Variants in SH3PXD2B observed in about 807,000 individuals in gnomAD.
SH3PXD2B encodes SH3 and PX domains 2B, also known as SH3 and PX domain-containing protein 2B.
In SH3PXD2B, 37 loss-of-function variants were observed where a neutral mutation model predicts 73.1. The ratio of observed to expected loss-of-function variants is 0.51; its 90% CI spans 0.39 to 0.67. The LOEUF (loss-of-function observed/expected upper bound fraction) is 0.67. SH3PXD2B is among the 30% of genes least tolerant of loss of function. SH3PXD2B has a pLI of 0.00. For synonymous variants in SH3PXD2B, 457 were observed against 480.5 expected (o/e 0.95, Z 0.64); for missense variants, 1,053 against 1,197.8 (o/e 0.88, Z 1.78).
chr5:172,439,293 C>CAAAAAA (rs1233319484), intron 1 of SH3PXD2B, among the ~76,000 whole-genome samples: 8 of 61,614 alleles, frequency 1.3e-4, no homozygotes, highest in African/African-American at 5.0e-4. Context: ...AAAAAAAAAC[C>CAAAAAA]CCAAAAAAAA....
chr5:172,340,058 C>T, intron 12 of SH3PXD2B, 142 bp from the exon 13 acceptor site: 1 of 1,470,260 alleles, frequency 6.8e-7, no homozygotes. Flanking sequence ...TCTACAGGGA[C>T]CACCAATGGA....
intron 12 of SH3PXD2B, among the ~76,000 whole-genome samples, chr5:172,326,067 G>A (rs1311571566): frequency 2.0e-5 from 3 of 152,186 alleles, no homozygotes; most frequent in East Asian, 1.9e-4. Context: ...GATTACAGGC[G>A]TGAGCCACCG....
Position 172,334,381 on chromosome 5 carries a change from C to T in SH3PXD2B, c.*3988G>A. The T allele has an allele frequency of 1.0e-6, 1 of 992,304 alleles. No individual in the cohort carries two copies. Among genetic ancestry groups the T allele is most frequent in the Non-Finnish European group, 1.2e-6 (1 of 835,224 alleles). 61.5% of individuals were successfully genotyped at this position (992,304 alleles called of 1,614,324 possible). ...CAGGCCAAGAGAGGGCGCCCTGCAC[C>T]CTCAGGCCTCGATGCATGCTGCTCT... On this transcript the variant is annotated 3_prime_UTR_variant, in exon 13 of 13. Coordinates refer to ENST00000311601, the MANE Select transcript of SH3PXD2B (RefSeq NM_001017995.3).
chr5:172,383,412 G>A (rs1294377562), intron 4 of SH3PXD2B, among the ~76,000 whole-genome samples: 1 of 152,188 alleles, frequency 6.6e-6, no homozygotes, highest in Non-Finnish European at 1.5e-5. Context: ...AATTTTCTTT[G>A]TGCTCAGCAC....
chr5:172,351,304 T>C lies in SH3PXD2B; in HGVS notation c.786-715A>G, dbSNP rs1757155041. 2.0e-5 allele frequency among the ~76,000 whole-genome samples: 3 copies of C among 152,200 alleles called. No individual in the cohort carries two copies. In the South Asian group the frequency reaches 6.2e-4, roughly 31 times the overall value. Reference sequence around the variant, plus strand: ...ACCACCATGCCCAGCTATTTATTATTTCTTGTAGAGATGGGGTGTTGCTAT... The same window carrying C: ...ACCACCATGCCCAGCTATTTATTATCTCTTGTAGAGATGGGGTGTTGCTAT... On this transcript the variant is annotated intron_variant, in intron 9 of 12. Coordinates refer to ENST00000311601, the MANE Select transcript of SH3PXD2B (RefSeq NM_001017995.3).
chr5:172,364,672 C>T (rs1351733578), intron 6 of SH3PXD2B, among the ~76,000 whole-genome samples: 1 of 151,260 alleles, frequency 6.6e-6, no homozygotes, highest in African/African-American at 2.4e-5. Context: ...CCTCCGCTCC[C>T]CGCCCAAAAA....
In SH3PXD2B at chr5:172,338,029, T is replaced by C. The variant is rs915100872; in HGVS notation, c.*340A>G. 4.9e-6 allele frequency: 6 copies of C among 1,230,520 alleles called. No individual in the cohort carries two copies. The highest frequency in any genetic ancestry group is 4.6e-5 in the African/African-American group (3 of 64,946). The allele number at this position is 1,230,520 out of a possible 1,614,324, so 76.2% of individuals were successfully genotyped here. A position where few individuals can be genotyped will look rare whatever the true frequency, so the allele number is the denominator to read the frequency against. ...CCCTTGCTGGAGTTTCTCCAGGCAA[T>C]GGGATCCAGTCCTGGAGGTCTTGGA... On this transcript the variant is annotated 3_prime_UTR_variant, in exon 13 of 13. Transcript: ENST00000311601. The surrounding 1 kb of genome is among the most constrained non-coding windows in gnomAD (Gnocchi z 5.1).
intron 5 of SH3PXD2B, among the ~76,000 whole-genome samples, chr5:172,381,414 G>A (rs376597674): frequency 6.6e-6 from 1 of 152,240 alleles, no homozygotes; most frequent in East Asian, 1.9e-4. Context: ...GGGCCGGCCA[G>A]AGTGTTGGTG....
downstream of SH3PXD2B, among the ~76,000 whole-genome samples, chr5:172,332,561 G>A (rs1226182397): frequency 2.0e-5 from 3 of 147,954 alleles, no homozygotes; most frequent in East Asian, 6.0e-4. Context: ...CACACCTTCT[G>A]TTTTTCTCCT....
intron 1 of SH3PXD2B, among the ~76,000 whole-genome samples, chr5:172,451,909 C>T (rs530538976): frequency 3.7e-4 from 57 of 152,336 alleles, no homozygotes; most frequent in African/African-American, 1.4e-3. Flanking sequence ...CAGCCCATTG[C>T]CCCTCCTCAT....
At chr5:172,391,359 A>G (rs1237457276) in intron 4 of SH3PXD2B, among the ~76,000 whole-genome samples, 1 of 152,186 alleles carries the variant, frequency 6.6e-6, no homozygotes. Context: ...GAAGTCTTTA[A>G]AATCGGGTTG....
At chr5:172,454,220 T>A in intron 1 of SH3PXD2B, 58 bp downstream of exon 1, 1 of 1,478,660 alleles carries the variant, frequency 6.8e-7, no homozygotes, top group Non-Finnish European at 9.2e-7. Context: ...CCGGGGGCCC[T>A]CGGTCGCCCC....
intron 3 of SH3PXD2B, among the ~76,000 whole-genome samples, chr5:172,397,189 A>G (rs996539842): frequency 7.2e-5 from 11 of 152,160 alleles, no homozygotes; most frequent in South Asian, 2.1e-4. Flanking sequence ...ATGGTTGCAG[A>G]TAAGGGATGA....
intron 11 of SH3PXD2B, among the ~76,000 whole-genome samples, chr5:172,346,842 A>C (rs946565913): frequency 5.3e-5 from 8 of 152,092 alleles, no homozygotes; most frequent in East Asian, 3.9e-4. Flanking sequence ...AATAAAAAAA[A>C]CCCCAAAACC....
At chr5:172,411,085 G>A (rs1758680317) in intron 2 of SH3PXD2B, among the ~76,000 whole-genome samples, 1 of 152,198 alleles carries the variant, frequency 6.6e-6, no homozygotes, top group Admixed American at 6.5e-5. Flanking sequence ...TTCGAAAGCA[G>A]AGCCATTAAT....
In SH3PXD2B at chr5:172,339,469, T is replaced by A. The variant is rs746024003; in HGVS notation, c.1636A>T (p.Thr546Ser). ...LLERERERQR[T>S]EQLRGPTPKP... ...GGAGTGGGGCCCCGGAGCTGCTCCG[T>A]CCTCTGCCGCTCCCGCTCCCGCTCC... The change falls in exon 13 of 13, where the codon ACG (threonine) becomes TCG (serine). Residue 546 changes from threonine to serine, a missense_variant. By Grantham distance (58) the Thr-to-Ser change is moderately conservative. Coordinates refer to ENST00000311601, the MANE Select transcript of SH3PXD2B (RefSeq NM_001017995.3). The surrounding 1 kb of genome is among the most constrained non-coding windows in gnomAD (Gnocchi z 6.1). 1 of 1,613,786 alleles carries A rather than the reference T, an allele frequency of 6.2e-7. No individual in the cohort carries two copies. Among genetic ancestry groups the A allele is most frequent in the South Asian group, 1.1e-5 (1 of 91,076 alleles).
rs1009164731 is a variant in SH3PXD2B at position 172,333,993 on chromosome 5, C to T, written c.*4376G>A. On this transcript the variant is annotated 3_prime_UTR_variant, in exon 13 of 13. Transcript: ENST00000311601. Reference sequence around the variant, plus strand: ...TGCTGATGTAAGCCTGGTGGGGGCACCTTCTTTTTTACATGAATAGGACAT... The same window carrying T: ...TGCTGATGTAAGCCTGGTGGGGGCATCTTCTTTTTTACATGAATAGGACAT... 2 of 1,194,328 alleles carry T rather than the reference C, an allele frequency of 1.7e-6. No homozygotes were observed. The highest frequency in any genetic ancestry group is 1.6e-5 in the South Asian group (1 of 63,510). The allele number at this position is 1,194,328 out of a possible 1,614,324, so 74.0% of individuals were successfully genotyped here.
At chr5:172,443,823 T>TA (rs914684867) in intron 1 of SH3PXD2B, among the ~76,000 whole-genome samples, 1 of 152,134 alleles carries the variant, frequency 6.6e-6, no homozygotes, top group African/African-American at 2.4e-5. Context: ...AAACAGAAAA[T>TA]ACCATGCTTA....
At chr5:172,375,350 ACT>A (rs1269258471) in intron 5 of SH3PXD2B, among the ~76,000 whole-genome samples, 7 of 152,134 alleles carry the variant, frequency 4.6e-5, no homozygotes, top group African/African-American at 1.4e-4. Flanking sequence ...ACAGACCGAG[ACT>A]CTGTCTCAAA....
Sources: allele counts gnomAD v4.1 joint callset (sites outside exome capture counted in the v4.1 genomes callset), GRCh38; gene constraint gnomAD v4.1.1; non-coding constraint Gnocchi (gnomAD v3.1); transcripts MANE v1.5; gene names NCBI Gene and HGNC (gene_info 2026-07-23, HGNC 2026-07-21).